ANKH: variants seen among roughly 807,000 people sequenced by gnomAD.
ANKH encodes the protein ANKH inorganic pyrophosphate transport regulator, also known as mineralization regulator ANKH.
In ANKH, 15 loss-of-function variants were observed where a neutral mutation model predicts 49.0. That is an observed-to-expected ratio of 0.31 (90% confidence interval 0.20 to 0.47). The LOEUF is 0.47. Ranked by LOEUF, ANKH falls within the 20% of genes least tolerant of loss-of-function variation. ANKH has a pLI of 1.00. For synonymous variants in ANKH, 273 were observed against 260.0 expected, an observed-to-expected ratio of 1.05 and a Z score of -0.48; for missense variants, 429 against 652.0, an observed-to-expected ratio of 0.66 and a Z score of 3.72.
intron 8 of ANKH, among the ~76,000 whole-genome samples, chr5:14,718,774 C>T (rs920729203): frequency 3.1e-4 from 46 of 150,572 alleles, no homozygotes; most frequent in African/African-American, 1.1e-3. Context: ...GGTGCCACTG[C>T]ACTCCATGCA....
At chr5:14,785,318 G>T (rs148748899) in intron 1 of ANKH, among the ~76,000 whole-genome samples, 1 of 152,190 alleles carries the variant, frequency 6.6e-6, no homozygotes, top group Non-Finnish European at 1.5e-5. Context: ...GAGGATCTTG[G>T]GGGTGGATCC....
intron 1 of ANKH, among the ~76,000 whole-genome samples, chr5:14,853,727 C>A (rs112310897): frequency 6.6e-6 from 1 of 151,530 alleles, no homozygotes; most frequent in Non-Finnish European, 1.5e-5. Flanking sequence ...TGCAGTGGCG[C>A]GATAGAAAGG....
At chr5:14,855,619 T>A (rs1233526241) in intron 1 of ANKH, among the ~76,000 whole-genome samples, 1 of 152,142 alleles carries the variant, frequency 6.6e-6, no homozygotes, top group Non-Finnish European at 1.5e-5. Flanking sequence ...AAAGACTTGG[T>A]CCCACTTGAA....
chr5:14,767,405 G>C (rs1739290246), intron 2 of ANKH, among the ~76,000 whole-genome samples: 1 of 152,112 alleles, frequency 6.6e-6, no homozygotes, highest in Non-Finnish European at 1.5e-5. Flanking sequence ...TTGTTTGGTG[G>C]ATGGAAAAAT....
intron 1 of ANKH, among the ~76,000 whole-genome samples, chr5:14,793,047 T>TATATAA (rs1209292505): frequency 0.082 from 5,019 of 60,920 alleles, 144 homozygotes; most frequent in Non-Finnish European, 0.1. Context: ...AATATATATA[T>TATATAA]AAATATATAT....
chr5:14,731,252 G>A (rs772002384), intron 8 of ANKH, among the ~76,000 whole-genome samples: 7 of 152,130 alleles, frequency 4.6e-5, no homozygotes, highest in Non-Finnish European at 8.8e-5. Flanking sequence ...GGGCTGAAGG[G>A]GCAGCCTGGT....
chr5:14,861,381 T>G (rs1265643635), intron 1 of ANKH, among the ~76,000 whole-genome samples: 1 of 152,250 alleles, frequency 6.6e-6, no homozygotes, highest in Non-Finnish European at 1.5e-5. Flanking sequence ...GCAGACATTC[T>G]GCTTTCCAGC....
Position 14,711,349 on chromosome 5 carries a change from G to A in ANKH, c.1366-39C>T. On this transcript the variant is annotated intron_variant, in intron 11 of 11. Transcript: ENST00000284268. The stretch of plus-strand genomic sequence containing the variant: ...GACTCATCAGTGTGGGGCTGTGGAT[G>A]GGGACACTGCACAGCAGAACCACGA... 2.6e-6 allele frequency: 4 copies of A among 1,549,088 alleles called. No homozygotes were observed. The South Asian group carries it at 3.3e-5, about 13-fold the overall frequency.
In ANKH at chr5:14,745,156, CTGTG is replaced by C. The variant is rs1738491829; in HGVS notation, c.915+710_915+713del. Among the ~76,000 whole-genome samples, 1 of 152,184 alleles carries C rather than the reference CTGTG, an allele frequency of 6.6e-6. No individual in the cohort carries two copies. The highest frequency in any genetic ancestry group is 2.1e-4 in the South Asian group (1 of 4,830). ...AAGTAGCAGTCTGTTTGCTTCCTTCCTGTGTATCATTTTAAAACACTGTAGACTA... is the reference window on the plus strand; with the variant it reads ...AAGTAGCAGTCTGTTTGCTTCCTTCCTATCATTTTAAAACACTGTAGACTA... On this transcript the variant is annotated intron_variant, in intron 7 of 11. Transcript: ENST00000284268. This position sits in a 1 kb window ranked among gnomAD's most constrained non-coding sequence, Gnocchi z 4.7.
intron 1 of ANKH, among the ~76,000 whole-genome samples, chr5:14,858,513 T>C (rs1247839385): frequency 2.0e-5 from 3 of 152,052 alleles, no homozygotes; most frequent in South Asian, 2.1e-4. Flanking sequence ...GTCAGGAGTT[T>C]GAGATAAGCC....
chr5:14,767,292 G>A lies in ANKH; in HGVS notation c.313+1683C>T, dbSNP rs535992804. 2.6e-5 allele frequency among the ~76,000 whole-genome samples: 4 copies of A among 152,262 alleles called. No homozygotes were observed. The South Asian group carries it at 6.2e-4, about 24-fold the overall frequency. ...GCAGCTAAAGACTTAGGCAGAAAATGGTAAGGAGGCCAACACTCTAGAAAA... is the reference window on the plus strand; with the variant it reads ...GCAGCTAAAGACTTAGGCAGAAAATAGTAAGGAGGCCAACACTCTAGAAAA... On this transcript the variant is annotated intron_variant, in intron 2 of 11. Transcript: ENST00000284268.
intron 1 of ANKH, among the ~76,000 whole-genome samples, chr5:14,828,746 G>C (rs1325964367): frequency 2.6e-5 from 4 of 152,108 alleles, no homozygotes; most frequent in Non-Finnish European, 5.9e-5. Flanking sequence ...GAAAATATCA[G>C]CTTATTAAAA....
intron 1 of ANKH, chr5:14,798,474 C>A: frequency 8.8e-7 from 1 of 1,142,180 alleles, no homozygotes; most frequent in Non-Finnish European, 1.2e-6. Flanking sequence ...GGCGTTCGCT[C>A]TGCGCACGCG....
intron 2 of ANKH, among the ~76,000 whole-genome samples, chr5:14,766,854 GA>G (rs1208540569): frequency 2.0e-5 from 3 of 152,190 alleles, no homozygotes; most frequent in Non-Finnish European, 4.4e-5. Flanking sequence ...AAGACTGCTT[GA>G]AATCATACAA....
chr5:14,853,380 A>G (rs1200014394), intron 1 of ANKH, among the ~76,000 whole-genome samples: 2 of 152,128 alleles, frequency 1.3e-5, no homozygotes, highest in Admixed American at 1.3e-4. Flanking sequence ...GCTTGAGACC[A>G]ACCTGGGTAA....
At chr5:14,801,281 TC>T (rs1740559964) in intron 1 of ANKH, among the ~76,000 whole-genome samples, 1 of 152,186 alleles carries the variant, frequency 6.6e-6, no homozygotes, top group Non-Finnish European at 1.5e-5. Context: ...GTCCTTAAAT[TC>T]CCTATGACCT....
chr5:14,857,706 A>G (rs554035360), intron 1 of ANKH, among the ~76,000 whole-genome samples: 3 of 152,334 alleles, frequency 2.0e-5, no homozygotes, highest in African/African-American at 7.2e-5. Context: ...ATTAAACAAT[A>G]CTTTTAATAA....
intron 1 of ANKH, among the ~76,000 whole-genome samples, chr5:14,857,953 T>C (rs1370523482): frequency 6.6e-6 from 1 of 152,188 alleles, no homozygotes; most frequent in African/African-American, 2.4e-5. Context: ...TGACCGGTAA[T>C]ATTAATCCAA....
rs183770662 is a variant in ANKH at position 14,722,154 on chromosome 5, G to C, written c.1012-5319C>G. 1.6e-4 allele frequency among the ~76,000 whole-genome samples: 25 copies of C among 152,232 alleles called. No individual in the cohort carries two copies. In the East Asian group the frequency reaches 4.6e-3, roughly 28 times the overall value. On this transcript the variant is annotated intron_variant, in intron 8 of 11. Transcript: ENST00000284268. ...CATTTTAATGAGTTCACCCAGAGTA[G>C]TCTCAACTCAGAACATGCCTCCCAG...
Sources: gnomAD v4.1 joint callset for allele counts (sites outside exome capture counted in the v4.1 genomes callset) on GRCh38, gnomAD v4.1.1 for gene constraint, Gnocchi (gnomAD v3.1) non-coding constraint, MANE v1.5 for transcripts, NCBI Gene and HGNC (gene_info 2026-07-23, HGNC 2026-07-21) for gene names.